The following PCDHA13 variants were observed in gnomAD, a reference collection of about 807,000 sequenced individuals.
PCDHA13 encodes protocadherin alpha 13, also known as protocadherin alpha-13.
In PCDHA13, 54 loss-of-function variants were observed where a neutral mutation model predicts 64.8. The observed-to-expected ratio is 0.83, with a 90% CI of 0.67 to 1.04. PCDHA13 has a LOEUF of 1.04. PCDHA13 is among the 50% of genes least tolerant of loss of function. PCDHA13 has a pLI of 0.00. For synonymous variants in PCDHA13, 587 were observed against 564.4 expected, an observed-to-expected ratio of 1.04 and a Z score of -0.57; for missense variants, 1,248 against 1,254.3, an observed-to-expected ratio of 0.99 and a Z score of 0.08.
At chr5:140,933,901 CAT>C (rs1354614736) in intron 1 of PCDHA13, among the ~76,000 whole-genome samples, 33 of 151,882 alleles carry the variant, frequency 2.2e-4, no homozygotes, top group African/African-American at 7.7e-4. Flanking sequence ...AATATTTTGG[CAT>C]AAAGTTGTTT....
intron 1 of PCDHA13, among the ~76,000 whole-genome samples, chr5:140,940,230 T>C (rs1554213224): frequency 6.6e-6 from 1 of 152,212 alleles, no homozygotes; most frequent in Non-Finnish European, 1.5e-5. Flanking sequence ...TTCATTTTGG[T>C]ACATTAAAGT....
In PCDHA13 at chr5:140,966,999, G is replaced by A. The variant is rs782081862; in HGVS notation, c.2395-11950G>A. 115 of 1,604,458 alleles carry A rather than the reference G, an allele frequency of 7.2e-5. No homozygotes were observed. The highest frequency in any genetic ancestry group is 8.8e-5 in the Non-Finnish European group (104 of 1,177,324). ...CGGCGCTTGGGGCCGGGTTGCTTGC[G>A]CATCAACCATCTGGGTGCGCCCAGT... On this transcript the variant is annotated intron_variant, in intron 1 of 3. Transcript: ENST00000289272.
chr5:140,927,970 G>A (rs1554205315), intron 1 of PCDHA13: 1 of 1,614,216 alleles, frequency 6.2e-7, no homozygotes, highest in East Asian at 2.2e-5. Context: ...CACAGTGATT[G>A]CTCTCTTTAG....
chr5:141,000,015 G>A (rs960608216), intron 3 of PCDHA13, among the ~76,000 whole-genome samples: 8 of 151,984 alleles, frequency 5.3e-5, no homozygotes, highest in Non-Finnish European at 5.9e-5. Flanking sequence ...CCTCCCCATT[G>A]CTAAGCCTGA....
Position 140,914,027 on chromosome 5 carries a change from T to G in PCDHA13, c.2394+29365T>G, listed in dbSNP as rs188298966. Among the ~76,000 whole-genome samples the G allele has an allele frequency of 8.0e-3, 1,214 of 152,300 alleles. 6 individuals carry two copies. Among genetic ancestry groups the G allele is most frequent in the African/African-American group, 0.019 (784 of 41,574 alleles). On this transcript the variant is annotated intron_variant, in intron 1 of 3. Coordinates refer to ENST00000289272, the MANE Select transcript of PCDHA13 (RefSeq NM_018904.3). ...CTATCTTTGAGAATGATCCACGTGCTGAGAAGAATGTGTATTCTGCAGCTG... is the reference window on the plus strand; with the variant it reads ...CTATCTTTGAGAATGATCCACGTGCGGAGAAGAATGTGTATTCTGCAGCTG...
intron 1 of PCDHA13, among the ~76,000 whole-genome samples, chr5:140,906,235 C>G (rs1319955366): frequency 1.3e-5 from 2 of 152,174 alleles, no homozygotes; most frequent in African/African-American, 4.8e-5. Flanking sequence ...CTCCCCTTGT[C>G]AACTTGAACC....
intron 3 of PCDHA13, among the ~76,000 whole-genome samples, chr5:141,003,892 C>T (rs1401621234): frequency 6.6e-6 from 1 of 152,124 alleles, no homozygotes; most frequent in South Asian, 2.1e-4. Context: ...TCTTAACAGG[C>T]CCATTCATTT....
intron 1 of PCDHA13, among the ~76,000 whole-genome samples, chr5:140,935,745 T>C (rs564797649): frequency 6.6e-6 from 1 of 152,324 alleles, no homozygotes; most frequent in South Asian, 2.1e-4. Flanking sequence ...TATTATTCCA[T>C]ACAATACACA....
chr5:141,002,166 G>A (rs1212034616), intron 3 of PCDHA13, among the ~76,000 whole-genome samples: 1 of 152,234 alleles, frequency 6.6e-6, no homozygotes, highest in Non-Finnish European at 1.5e-5. Context: ...TGGGCGGTAG[G>A]CAGGCTCCAG....
chr5:140,962,512 AATAAT>A (rs2095688598), intron 1 of PCDHA13, among the ~76,000 whole-genome samples: 1 of 152,184 alleles, frequency 6.6e-6, no homozygotes, highest in Admixed American at 6.5e-5. Flanking sequence ...GCCAACTATC[AATAAT>A]ATATTAGTTT....
rs530025575 is a variant in PCDHA13 at position 140,922,023 on chromosome 5, TA to T, written c.2394+37367del. On this transcript the variant is annotated intron_variant, in intron 1 of 3. Coordinates refer to ENST00000289272, the MANE Select transcript of PCDHA13 (RefSeq NM_018904.3). ...AATGATTAGTTTAAAAAAATAAATA[TA>T]AAAAATGTAATTTTCCCACATACCT... Among the ~76,000 whole-genome samples, 1,214 of 152,080 alleles carry T rather than the reference TA, an allele frequency of 8.0e-3. 6 individuals carry two copies. The highest frequency in any genetic ancestry group is 0.019 in the African/African-American group (784 of 41,506).
At chr5:140,927,760 A>G in intron 1 of PCDHA13, 1 of 1,614,206 alleles carries the variant, frequency 6.2e-7, no homozygotes, top group Non-Finnish European at 8.5e-7. Context: ...GCACCCTAAA[A>G]GTGGGGAGGT....
chr5:140,968,859 C>T, intron 1 of PCDHA13: 1 of 1,614,184 alleles, frequency 6.2e-7, no homozygotes, highest in Non-Finnish European at 8.5e-7. Context: ...GTTAAGAGCC[C>T]TCGGACATAC....
intron 1 of PCDHA13, among the ~76,000 whole-genome samples, chr5:140,925,606 C>A (rs1554202814): frequency 1.3e-5 from 2 of 150,882 alleles, no homozygotes; most frequent in African/African-American, 4.9e-5. Context: ...TGTAACAAAC[C>A]TGCACGTTGT....
intron 1 of PCDHA13, among the ~76,000 whole-genome samples, chr5:140,922,947 C>A (rs533564361): frequency 6.6e-6 from 1 of 152,178 alleles, no homozygotes; most frequent in South Asian, 2.1e-4. Context: ...AATGGAAATC[C>A]AGTTTGTCTT....
intron 3 of PCDHA13, among the ~76,000 whole-genome samples, chr5:140,992,344 T>G (rs2097506257): frequency 6.6e-6 from 1 of 152,124 alleles, no homozygotes; most frequent in Non-Finnish European, 1.5e-5. Context: ...GATGGAAATG[T>G]GGAGAGAGGA....
In PCDHA13 at chr5:140,882,133, G is replaced by A; in HGVS notation, c.-136G>A. The A allele has an allele frequency of 6.7e-7, 1 of 1,483,612 alleles. No individual in the cohort carries two copies. Among genetic ancestry groups the A allele is most frequent in the Non-Finnish European group, 9.0e-7 (1 of 1,110,662 alleles). 91.9% of individuals were successfully genotyped at this position (1,483,612 alleles called of 1,614,324 possible). On this transcript the variant is annotated 5_prime_UTR_variant, in exon 1 of 4. Transcript: ENST00000289272. Reference sequence around the variant, plus strand: ...AAGCCGCCGTTTCTTTCTTCCTGCAGAAAATATAGCAGAAAGCGGAATACC... The same window carrying A: ...AAGCCGCCGTTTCTTTCTTCCTGCAAAAAATATAGCAGAAAGCGGAATACC...
chr5:140,988,739 G>A (rs2097310931), intron 3 of PCDHA13, among the ~76,000 whole-genome samples: 1 of 152,096 alleles, frequency 6.6e-6, no homozygotes, highest in Non-Finnish European at 1.5e-5. Flanking sequence ...AATTATTCTA[G>A]GATTGGTGGC....
chr5:140,956,189 A>C (rs2095264873), intron 1 of PCDHA13, among the ~76,000 whole-genome samples: 1 of 152,142 alleles, frequency 6.6e-6, no homozygotes, highest in South Asian at 2.1e-4. Context: ...ACTATGCTGA[A>C]TAGGAGTGGT....
Sources: gnomAD v4.1 joint callset for allele counts (sites outside exome capture counted in the v4.1 genomes callset) on GRCh38, gnomAD v4.1.1 for gene constraint, MANE v1.5 for transcripts, NCBI Gene and HGNC (gene_info 2026-07-23, HGNC 2026-07-21) for gene names.